The following OSTF1 variants were observed in gnomAD, a reference collection of about 807,000 sequenced individuals.
The protein encoded by OSTF1 is osteoclast-stimulating factor 1.
A neutral mutation model predicts 37.2 loss-of-function variants in OSTF1; 27 were observed. The observed-to-expected ratio is 0.73, with a 90% CI of 0.54 to 1.00. OSTF1 has a LOEUF of 1.00. Among genes scored for constraint, OSTF1 ranks in the 50% least tolerant of loss-of-function variants. The pLI is 0.00. For synonymous variants in OSTF1, 82 were observed against 89.2 expected, an observed-to-expected ratio of 0.92 and a Z score of 0.46; for missense variants, 232 against 253.8, an observed-to-expected ratio of 0.91 and a Z score of 0.58.
intron 9 of OSTF1, among the ~76,000 whole-genome samples, chr9:75,144,220 G>T (rs1188394288): frequency 6.6e-6 from 1 of 152,186 alleles, no homozygotes; most frequent in African/African-American, 2.4e-5. Context: ...GAAGAATAGA[G>T]TCAACCTGGA....
At chr9:75,127,651 T>C in intron 3 of OSTF1, 32 bp downstream of exon 3, 1 of 1,169,184 alleles carries the variant, frequency 8.6e-7, no homozygotes, top group Admixed American at 2.1e-5. Context: ...TAATACCACA[T>C]ATAAAGACTG....
At chr9:75,145,956 A>AATAAG (rs1440784316) in intron 9 of OSTF1, among the ~76,000 whole-genome samples, 7 of 152,194 alleles carry the variant, frequency 4.6e-5, no homozygotes, top group African/African-American at 1.7e-4. Flanking sequence ...GAGATGTGAT[A>AATAAG]CTTAGAGATC....
intron 7 of OSTF1, among the ~76,000 whole-genome samples, chr9:75,135,863 A>C (rs1432717867): frequency 6.6e-6 from 1 of 152,212 alleles, no homozygotes; most frequent in East Asian, 1.9e-4. Flanking sequence ...TGAGGCCCTC[A>C]GCTTTTAGAG....
intron 2 of OSTF1, among the ~76,000 whole-genome samples, chr9:75,127,343 T>C (rs182921295): frequency 6.6e-6 from 1 of 152,332 alleles, no homozygotes; most frequent in African/African-American, 2.4e-5. Flanking sequence ...AAGATGTGTG[T>C]GGAGAATCTT....
At chr9:75,095,896 CTTT>C (rs565056095) in intron 1 of OSTF1, among the ~76,000 whole-genome samples, 77 of 146,226 alleles carry the variant, frequency 5.3e-4, no homozygotes, top group Admixed American at 2.0e-4. Context: ...TGTGGCCCCC[CTTT>C]TTTTTTTTTT....
At chr9:75,120,235 G>C (rs1825557690) in intron 2 of OSTF1, among the ~76,000 whole-genome samples, 1 of 152,268 alleles carries the variant, frequency 6.6e-6, no homozygotes, top group East Asian at 1.9e-4. Context: ...TGGGGGTTTG[G>C]ACTCTAACGT....
At chr9:75,102,558 C>T (rs1232970525) in intron 1 of OSTF1, among the ~76,000 whole-genome samples, 3 of 152,086 alleles carry the variant, frequency 2.0e-5, no homozygotes, top group South Asian at 4.1e-4. Context: ...CTACGGATCT[C>T]GAAAAAGTTT....
intron 1 of OSTF1, among the ~76,000 whole-genome samples, chr9:75,094,773 G>T (rs1185050114): frequency 6.6e-6 from 1 of 152,236 alleles, no homozygotes; most frequent in Non-Finnish European, 1.5e-5. Flanking sequence ...GCCAGGCACA[G>T]TGGTTCACAC....
intron 6 of OSTF1, 35 bp downstream of exon 6, chr9:75,133,436 G>C (rs1278605482): frequency 1.6e-6 from 2 of 1,267,600 alleles, no homozygotes. Context: ...TTTCTATGCT[G>C]CTGAAAATGT....
intron 1 of OSTF1, among the ~76,000 whole-genome samples, chr9:75,100,823 G>C (rs1825179037): frequency 6.6e-6 from 1 of 152,072 alleles, no homozygotes; most frequent in African/African-American, 2.4e-5. Flanking sequence ...ATTTGACCGT[G>C]GAAGTATTGT....
chr9:75,098,643 A>G (rs1306906838), intron 1 of OSTF1, among the ~76,000 whole-genome samples: 1 of 152,230 alleles, frequency 6.6e-6, no homozygotes, highest in African/African-American at 2.4e-5. Flanking sequence ...ATGTGAAAAT[A>G]CTACGTATTC....
At chr9:75,096,300 A>G (rs1225746498) in intron 1 of OSTF1, among the ~76,000 whole-genome samples, 1 of 152,162 alleles carries the variant, frequency 6.6e-6, no homozygotes, top group Non-Finnish European at 1.5e-5. Flanking sequence ...TTGGGATTAG[A>G]GTTGGGGGAT....
intron 1 of OSTF1, among the ~76,000 whole-genome samples, chr9:75,092,384 A>T (rs11144225): frequency 0.36 from 55,229 of 152,016 alleles, 10,447 homozygotes; most frequent in East Asian, 0.53. Flanking sequence ...TAGCTCATAT[A>T]TTAGGCCCTG....
chr9:75,107,163 TAAA>T (rs143684765), intron 1 of OSTF1, among the ~76,000 whole-genome samples: 11,732 of 151,874 alleles, frequency 0.077, 952 homozygotes, highest in African/African-American at 0.21. Context: ...ACCCCAAGAA[TAAA>T]AAATGATGGC....
intron 1 of OSTF1, among the ~76,000 whole-genome samples, chr9:75,104,170 G>A (rs1471901834): frequency 1.3e-5 from 2 of 152,118 alleles, no homozygotes; most frequent in African/African-American, 2.4e-5. Context: ...CCCGAGCCTG[G>A]GAAGTCAAGG....
chr9:75,119,738 G>A (rs531094752), intron 2 of OSTF1, among the ~76,000 whole-genome samples: 3 of 152,166 alleles, frequency 2.0e-5, no homozygotes, highest in African/African-American at 7.2e-5. Context: ...AGGCTGAGGC[G>A]GGTGGATCAC....
At chr9:75,106,314 T>C (rs1825282747) in intron 1 of OSTF1, among the ~76,000 whole-genome samples, 1 of 152,220 alleles carries the variant, frequency 6.6e-6, no homozygotes, top group Non-Finnish European at 1.5e-5. Flanking sequence ...TGACTTTCTT[T>C]CCAAGGATTA....
At chr9:75,120,252 T>G (rs1191360901) in intron 2 of OSTF1, among the ~76,000 whole-genome samples, 2 of 152,188 alleles carry the variant, frequency 1.3e-5, no homozygotes, top group East Asian at 1.9e-4. Flanking sequence ...ACGTAAGAAT[T>G]TGAGGTAGGG....
Position 75,119,567 on chromosome 9 carries a change from G to A in OSTF1, c.81+2017G>A, listed in dbSNP as rs1825545571. On this transcript the variant is annotated intron_variant, in intron 2 of 9. Coordinates refer to ENST00000346234, the MANE Select transcript of OSTF1 (RefSeq NM_012383.5). ...CTGAGATCAAGGTGTCGGCAGGATTGGTTTCTTCTGAGGCCTTGCTTCTTG... is the reference window on the plus strand; with the variant it reads ...CTGAGATCAAGGTGTCGGCAGGATTAGTTTCTTCTGAGGCCTTGCTTCTTG... Among the ~76,000 whole-genome samples the A allele has an allele frequency of 2.6e-5, 4 of 152,156 alleles. No individual in the cohort carries two copies. The South Asian group carries it at 8.3e-4, about 32-fold the overall frequency.
Sources: allele counts gnomAD v4.1 joint callset (sites outside exome capture counted in the v4.1 genomes callset), GRCh38; gene constraint gnomAD v4.1.1; transcripts MANE v1.5; gene names NCBI Gene and HGNC (gene_info 2026-07-23, HGNC 2026-07-21).